The following FAM135A variants were observed in gnomAD, a reference collection of about 807,000 sequenced individuals.
FAM135A encodes the protein protein FAM135A.
A neutral mutation model predicts 146.8 loss-of-function variants in FAM135A; 79 were observed. That is an observed-to-expected ratio of 0.54 (90% CI 0.45 to 0.65). FAM135A has a LOEUF of 0.65. Among genes scored for constraint, FAM135A ranks in the 30% least tolerant of loss-of-function variants. The probability of loss-of-function intolerance (pLI) is 0.00; values close to 1 mark genes in which losing one functional copy is unlikely to be tolerated. For synonymous variants in FAM135A, 562 were observed against 603.6 expected (o/e 0.93, Z 1.01); for missense variants, 1,623 against 1,758.2 (o/e 0.92, Z 1.38).
chr6:70,435,673 C>T (rs540209910), intron 4 of FAM135A, among the ~76,000 whole-genome samples: 15 of 152,230 alleles, frequency 9.9e-5, no homozygotes, highest in Non-Finnish European at 1.8e-4. Context: ...GCATGCGTCA[C>T]CATGCCCTGT....
chr6:70,548,399 T>C (rs1299145178), intron 20 of FAM135A, among the ~76,000 whole-genome samples: 1 of 152,172 alleles, frequency 6.6e-6, no homozygotes, highest in East Asian at 1.9e-4. Flanking sequence ...AACAACATAG[T>C]GTATTTAATC....
At chr6:70,442,971 C>A (rs1774898598) in intron 4 of FAM135A, among the ~76,000 whole-genome samples, 1 of 152,150 alleles carries the variant, frequency 6.6e-6, no homozygotes, top group African/African-American at 2.4e-5. Context: ...GTTAATACTA[C>A]AATATTGCAG....
At chr6:70,501,589 A>G (rs1788547054) in intron 11 of FAM135A, among the ~76,000 whole-genome samples, 1 of 152,194 alleles carries the variant, frequency 6.6e-6, no homozygotes, top group East Asian at 1.9e-4. Context: ...ACAGCTGCCC[A>G]GTTTTGTGCT....
At chr6:70,517,367 C>CA (rs1182608771) in intron 12 of FAM135A, among the ~76,000 whole-genome samples, 2 of 147,302 alleles carry the variant, frequency 1.4e-5, no homozygotes, top group Non-Finnish European at 3.0e-5. Flanking sequence ...CTCATCTCTA[C>CA]AAAAAATACA....
intron 15 of FAM135A, among the ~76,000 whole-genome samples, chr6:70,527,166 G>A (rs1272205790): frequency 5.3e-5 from 8 of 151,984 alleles, no homozygotes; most frequent in Non-Finnish European, 2.9e-5. Context: ...ACAGGGTAGT[G>A]GAAACTTCTT....
chr6:70,500,484 A>G (rs1397934159), intron 11 of FAM135A, among the ~76,000 whole-genome samples: 1 of 152,132 alleles, frequency 6.6e-6, no homozygotes, highest in Non-Finnish European at 1.5e-5. Context: ...TCCTTCTGTC[A>G]ATTCGTCAGT....
intron 15 of FAM135A, 68 bp downstream of exon 15, chr6:70,526,766 T>C (rs45587732): frequency 0.012 from 5,260 of 449,370 alleles, 28 homozygotes; most frequent in Middle Eastern, 0.021. Context: ...CACACACACA[T>C]ACACACACAC....
At chr6:70,433,588 C>T (rs1019273491) in intron 4 of FAM135A, among the ~76,000 whole-genome samples, 4 of 151,078 alleles carry the variant, frequency 2.6e-5, no homozygotes, top group African/African-American at 7.4e-5. Context: ...CTGATGTCAT[C>T]GAAGCTTGTC....
chr6:70,525,278 T>C lies in FAM135A; in HGVS notation c.2194T>C (p.Leu732=), dbSNP rs1402797033. 1.2e-6 allele frequency: 2 copies of C among 1,600,796 alleles called. No individual in the cohort carries two copies. Among genetic ancestry groups the C allele is most frequent in the East Asian group, 2.2e-5 (1 of 44,776 alleles). Residue 732 remains leucine, a synonymous_variant, in exon 15 of 22, where the codon TTA becomes CTA. Coordinates refer to ENST00000418814, the MANE Select transcript of FAM135A (RefSeq NM_001162529.3). ...TTCTATTGGAGAATCATTAACTAAA[T>C]TACGAAGTAATCTACCTGCCCCTTC... ...CLSIGESLTK[L]RSNLPAPSTK... is the part of the protein sequence containing the mutation.
At chr6:70,419,556 C>G (rs1199453413) in intron 2 of FAM135A, among the ~76,000 whole-genome samples, 4 of 152,222 alleles carry the variant, frequency 2.6e-5, no homozygotes, top group Non-Finnish European at 4.4e-5. Context: ...GAACATCTCT[C>G]TGTTCCCATC....
intron 2 of FAM135A, chr6:70,417,542 T>G: frequency 1.9e-5 from 17 of 883,914 alleles, no homozygotes; most frequent in Non-Finnish European, 2.3e-5. Context: ...TTAAGTGTTA[T>G]GAAATGTTCT....
At chr6:70,436,548 G>A (rs182480106) in intron 4 of FAM135A, among the ~76,000 whole-genome samples, 5 of 152,194 alleles carry the variant, frequency 3.3e-5, no homozygotes, top group African/African-American at 1.2e-4. Context: ...GAGTACAAGG[G>A]TATTGGATTT....
At chr6:70,511,190 G>A (rs1000555129) in intron 12 of FAM135A, among the ~76,000 whole-genome samples, 3 of 151,864 alleles carry the variant, frequency 2.0e-5, no homozygotes, top group African/African-American at 7.3e-5. Context: ...GCCCTTATCT[G>A]ATACATAATT....
intron 10 of FAM135A, chr6:70,486,154 T>A (rs1401641246): frequency 1.9e-6 from 3 of 1,612,720 alleles, no homozygotes; most frequent in Non-Finnish European, 2.5e-6. Flanking sequence ...CTGTGTGCAA[T>A]CCTTATGACT....
At chr6:70,425,336 A>G (rs1288099432) in intron 2 of FAM135A, among the ~76,000 whole-genome samples, 1 of 152,168 alleles carries the variant, frequency 6.6e-6, no homozygotes, top group Admixed American at 6.6e-5. Flanking sequence ...AACATAATCT[A>G]AACCCTGCAC....
chr6:70,454,392 G>A (rs1031790349), intron 5 of FAM135A, among the ~76,000 whole-genome samples: 21 of 152,280 alleles, frequency 1.4e-4, no homozygotes, highest in Middle Eastern at 3.4e-3. Context: ...CTTTTGCTGT[G>A]CAGAAGCTCT....
Position 70,559,576 on chromosome 6 carries a change from C to A in FAM135A, c.4343-140C>A. On this transcript the variant is annotated intron_variant, in intron 21 of 21. Coordinates refer to ENST00000418814, the MANE Select transcript of FAM135A (RefSeq NM_001162529.3). The stretch of plus-strand genomic sequence containing the variant: ...AAATGATAGTTGAAGGAAAATTAAA[C>A]CTTTTTAAAAAGAGCCATTTTTCTG... The A allele has an allele frequency of 8.2e-6, 5 of 612,076 alleles. No homozygotes were observed. In the East Asian group the frequency reaches 1.5e-4, roughly 18 times the overall value. 37.9% of individuals were successfully genotyped at this position (612,076 alleles called of 1,614,324 possible).
intron 5 of FAM135A, among the ~76,000 whole-genome samples, chr6:70,474,083 T>C (rs889768461): frequency 5.3e-5 from 8 of 152,090 alleles, no homozygotes; most frequent in Non-Finnish European, 1.2e-4. Context: ...CACACAGGCT[T>C]TGACATCAGG....
chr6:70,502,939 A>G (rs1788907089), intron 12 of FAM135A, 148 bp downstream of exon 12: 1 of 796,530 alleles, frequency 1.3e-6, no homozygotes, highest in Admixed American at 3.0e-5. Context: ...GACTTCCAAA[A>G]TTAATAATAG....
Sources: allele counts gnomAD v4.1 joint callset (sites outside exome capture counted in the v4.1 genomes callset), GRCh38; gene constraint gnomAD v4.1.1; transcripts MANE v1.5; gene names NCBI Gene and HGNC (gene_info 2026-07-23, HGNC 2026-07-21).